The following RTN1 variants were observed in gnomAD, a reference collection of about 807,000 sequenced individuals.
The protein encoded by RTN1 is reticulon 1.
RTN1 carries 25 observed loss-of-function variants against 65.5 expected under a neutral mutation model. The ratio of observed to expected loss-of-function variants is 0.38; its 90% CI spans 0.28 to 0.53. The LOEUF (loss-of-function observed/expected upper bound fraction) is 0.53, where lower values mean the gene tolerates loss of function less well. RTN1 is among the 20% of genes least tolerant of loss of function. RTN1 has a pLI of 0.79. For synonymous variants in RTN1, 471 were observed against 447.6 expected (o/e 1.05, Z -0.66); for missense variants, 983 against 1,025.4 (o/e 0.96, Z 0.57).
At position 59,803,070 on chromosome 14, in the gene RTN1, A is replaced by T. The variant is rs1049347623; in HGVS notation, c.242-56589T>A. Reference sequence around the variant, plus strand: ...TTTAAAAAAGTCATTTGCCATTTGCACTGGGATAAGCACACAGGCCATGCA... The same window carrying T: ...TTTAAAAAAGTCATTTGCCATTTGCTCTGGGATAAGCACACAGGCCATGCA... On this transcript the variant is annotated intron_variant, in intron 1 of 8. Transcript: ENST00000267484. The surrounding 1 kb of genome is among the most constrained non-coding windows in gnomAD (Gnocchi z 5.6). Among the ~76,000 whole-genome samples the T allele has an allele frequency of 1.3e-5, 2 of 152,156 alleles. No homozygotes were observed. Among genetic ancestry groups the T allele is most frequent in the African/African-American group, 4.8e-5 (2 of 41,460 alleles).
At position 59,722,842 on chromosome 14, in the gene RTN1, G is replaced by A. The variant is rs146876536; in HGVS notation, c.1765+4077C>T. On this transcript the variant is annotated intron_variant, in intron 3 of 8. Transcript: ENST00000267484. ...ACAAGGTGTCTTTCTTTGTTGCACA[G>A]GCTGGAGTGCAGTGGTGTGATCAAA... Among the ~76,000 whole-genome samples, 193 of 150,510 alleles carry A rather than the reference G, an allele frequency of 1.3e-3. 1 individual carries two copies. The highest frequency in any genetic ancestry group is 4.5e-3 in the African/African-American group (185 of 40,848).
intron 3 of RTN1, among the ~76,000 whole-genome samples, chr14:59,686,195 C>T (rs569497715): frequency 6.0e-4 from 91 of 152,236 alleles, no homozygotes; most frequent in Admixed American, 1.4e-3. Flanking sequence ...TTAAACATAA[C>T]ACTTGAAACT....
At chr14:59,824,542 A>T (rs1191437633) in intron 1 of RTN1, among the ~76,000 whole-genome samples, 1 of 152,178 alleles carries the variant, frequency 6.6e-6, no homozygotes, top group East Asian at 1.9e-4. Context: ...TTACCCTGCA[A>T]ATGTTTGTAT....
At chr14:59,779,590 C>CA (rs1477111008) in intron 1 of RTN1, among the ~76,000 whole-genome samples, 1 of 151,874 alleles carries the variant, frequency 6.6e-6, no homozygotes, top group Non-Finnish European at 1.5e-5. Context: ...AAGCAGTAGA[C>CA]AATGGAAAAC....
At chr14:59,775,135 A>G (rs1448201558) in intron 1 of RTN1, among the ~76,000 whole-genome samples, 1 of 152,154 alleles carries the variant, frequency 6.6e-6, no homozygotes, top group African/African-American at 2.4e-5. Context: ...TTCCATCTCT[A>G]GACTGAGTTA....
At chr14:59,641,752 T>G (rs1882786041) in intron 3 of RTN1, among the ~76,000 whole-genome samples, 1 of 152,218 alleles carries the variant, frequency 6.6e-6, no homozygotes, top group East Asian at 1.9e-4. Flanking sequence ...AATTAGCAAG[T>G]TTACAAATTC....
chr14:59,827,388 C>T (rs1450108965), intron 1 of RTN1, among the ~76,000 whole-genome samples: 2 of 152,072 alleles, frequency 1.3e-5, no homozygotes, highest in African/African-American at 4.8e-5. Flanking sequence ...GTATGTGGTT[C>T]TTACTGCAGT....
At chr14:59,782,108 C>A (rs1355367639) in intron 1 of RTN1, among the ~76,000 whole-genome samples, 1 of 152,196 alleles carries the variant, frequency 6.6e-6, no homozygotes, top group Non-Finnish European at 1.5e-5. Flanking sequence ...TGAAAAGGCA[C>A]TGTCTATGAA....
At chr14:59,786,385 G>T (rs2139581865) in intron 1 of RTN1, among the ~76,000 whole-genome samples, 1 of 152,302 alleles carries the variant, frequency 6.6e-6, no homozygotes, top group Admixed American at 6.5e-5. Flanking sequence ...GTGACTATTA[G>T]TATTACGAGT....
At chr14:59,708,258 G>A (rs954048644) in intron 3 of RTN1, among the ~76,000 whole-genome samples, 1 of 152,212 alleles carries the variant, frequency 6.6e-6, no homozygotes, top group African/African-American at 2.4e-5. Context: ...AAACAAGCTC[G>A]GTGTGGTAAA....
At chr14:59,750,970 G>A (rs942606394) in intron 1 of RTN1, among the ~76,000 whole-genome samples, 7 of 135,868 alleles carry the variant, frequency 5.2e-5, no homozygotes, top group Non-Finnish European at 9.2e-5. Flanking sequence ...CTTCTGCCTT[G>A]GCCTCCCAAA....
At position 59,727,570 on chromosome 14, in the gene RTN1, C is replaced by T. The variant is rs866404816; in HGVS notation, c.1114G>A (p.Glu372Lys). Residue 372 changes from glutamate to lysine, a missense_variant, in exon 3 of 9, where the codon GAG becomes AAG. Coordinates refer to ENST00000267484, the MANE Select transcript of RTN1 (RefSeq NM_021136.3). This position sits in a 1 kb window ranked among gnomAD's most constrained non-coding sequence, Gnocchi z 4.2. The part of the protein sequence containing the change: ...EAKGLSYETA[E>K]NPRPVGQLAD... ...AGCTGGCCCACCGGCCGTGGGTTCT[C>T]GGCGGTTTCATACGATAATCCCTTT... is the stretch of plus-strand genomic sequence containing the variant. The T allele has an allele frequency of 4.3e-6, 7 of 1,611,866 alleles. No homozygotes were observed. Among genetic ancestry groups the T allele is most frequent in the Middle Eastern group, 3.3e-4 (2 of 6,080 alleles).
At chr14:59,817,620 C>A (rs1886846002) in intron 1 of RTN1, among the ~76,000 whole-genome samples, 1 of 134,972 alleles carries the variant, frequency 7.4e-6, no homozygotes, top group African/African-American at 2.7e-5. Flanking sequence ...CTACACATTA[C>A]CTCCCTTTGA....
At chr14:59,796,227 G>T (rs1217277261) in intron 1 of RTN1, among the ~76,000 whole-genome samples, 1 of 152,142 alleles carries the variant, frequency 6.6e-6, no homozygotes, top group African/African-American at 2.4e-5. Context: ...CAGGTTTGTG[G>T]CCTAGGAGCA....
intron 1 of RTN1, among the ~76,000 whole-genome samples, chr14:59,763,995 T>G (rs1218425230): frequency 2.0e-5 from 3 of 152,180 alleles, no homozygotes; most frequent in Non-Finnish European, 2.9e-5. Flanking sequence ...ACTGGGGCTT[T>G]GAAAATACGT....
At chr14:59,796,361 G>A (rs1004284884) in intron 1 of RTN1, among the ~76,000 whole-genome samples, 13 of 152,030 alleles carry the variant, frequency 8.6e-5, no homozygotes, top group African/African-American at 2.9e-4. Context: ...ACGTAGCCCC[G>A]TGCTTAATGC....
chr14:59,763,276 T>G (rs1316315122), intron 1 of RTN1, among the ~76,000 whole-genome samples: 2 of 152,170 alleles, frequency 1.3e-5, no homozygotes, highest in Non-Finnish European at 2.9e-5. Flanking sequence ...ACAGCAGTAT[T>G]CATTTTGCTC....
chr14:59,759,159 T>A (rs1443619404), intron 1 of RTN1, among the ~76,000 whole-genome samples: 1 of 151,918 alleles, frequency 6.6e-6, no homozygotes, highest in African/African-American at 2.4e-5. Context: ...ATTGGAAGAG[T>A]TTCTTTAGGT....
intron 1 of RTN1, among the ~76,000 whole-genome samples, chr14:59,865,441 T>G (rs2139679980): frequency 6.6e-6 from 1 of 152,328 alleles, no homozygotes; most frequent in Non-Finnish European, 1.5e-5. Context: ...TTACTTATCC[T>G]GGGATCCCAG....
Sources: gnomAD v4.1 joint callset for allele counts (sites outside exome capture counted in the v4.1 genomes callset) on GRCh38, gnomAD v4.1.1 for gene constraint, Gnocchi (gnomAD v3.1) non-coding constraint, MANE v1.5 for transcripts, NCBI Gene and HGNC (gene_info 2026-07-23, HGNC 2026-07-21) for gene names.